ADPGK: variants seen among roughly 807,000 people sequenced by gnomAD.
ADPGK encodes ADP dependent glucokinase.
A neutral mutation model predicts 42.4 loss-of-function variants in ADPGK; 26 were observed. The ratio of observed to expected loss-of-function variants is 0.61; its 90% confidence interval spans 0.45 to 0.85. ADPGK has a LOEUF of 0.85. ADPGK is among the 40% of genes least tolerant of loss of function. The pLI, the probability that ADPGK is intolerant of heterozygous loss-of-function variation, is 0.00. For synonymous variants in ADPGK, 267 were observed against 252.6 expected (o/e 1.06, Z -0.54); for missense variants, 571 against 627.0 (o/e 0.91, Z 0.95).
intron 1 of ADPGK, among the ~76,000 whole-genome samples, chr15:72,782,527 C>CAAATAAA (rs2066473381): frequency 1.6e-5 from 1 of 61,276 alleles, no homozygotes; most frequent in African/African-American, 6.9e-5. Context: ...ACCCTGTGTC[C>CAAATAAA]AAAAAAAAAA....
In ADPGK at chr15:72,752,228, G is replaced by T. The variant is rs2066053892; in HGVS notation, c.*113C>A. ...GTTGCCAACAGGCTGGAATGTACCT[G>T]ATACAGTTTAATCTGCTTTTATTTC... is the stretch of plus-strand genomic sequence containing the variant. On this transcript the variant is annotated 3_prime_UTR_variant, in exon 7 of 7. Coordinates refer to ENST00000456471, the MANE Select transcript of ADPGK (RefSeq NM_001365225.1). The T allele has an allele frequency of 3.8e-6, 4 of 1,066,454 alleles. No homozygotes were observed. The highest frequency in any genetic ancestry group is 5.3e-6 in the Non-Finnish European group (4 of 757,786). 66.1% of individuals were successfully genotyped at this position (1,066,454 alleles called of 1,614,324 possible).
intron 3 of ADPGK, among the ~76,000 whole-genome samples, chr15:72,764,653 G>T (rs2066235961): frequency 6.6e-6 from 1 of 152,214 alleles, no homozygotes; most frequent in South Asian, 2.1e-4. Context: ...TAAACAACAG[G>T]TTCGATGTAT....
chr15:72,766,380 T>C (rs1336586807), intron 3 of ADPGK, among the ~76,000 whole-genome samples: 1 of 152,100 alleles, frequency 6.6e-6, no homozygotes, highest in African/African-American at 2.4e-5. Flanking sequence ...TGTGGCAAAC[T>C]TCATTGTTGT....
chr15:72,757,951 G>A lies in ADPGK; in HGVS notation c.644-1504C>T, dbSNP rs139573540. 1.8e-3 allele frequency: 1,634 copies of A among 910,714 alleles called. 20 individuals carry two copies. In the African/African-American group the frequency reaches 0.024, roughly 14 times the overall value. 56.4% of individuals were successfully genotyped at this position (910,714 alleles called of 1,614,324 possible). A position where few individuals can be genotyped will look rare whatever the true frequency, so the allele number is the denominator to read the frequency against. On this transcript the variant is annotated intron_variant, in intron 4 of 6. Transcript: ENST00000456471. ...CTGCAAGGCAAGGATGAGAAGAACC[G>A]TGCAGAGCTGCTTGCTGTTTCCACA...
At chr15:72,776,302 A>G (rs957958109) in intron 1 of ADPGK, among the ~76,000 whole-genome samples, 2 of 152,154 alleles carry the variant, frequency 1.3e-5, no homozygotes, top group African/African-American at 4.8e-5. Context: ...TACCCCTATC[A>G]TGGTCATCTT....
chr15:72,777,028 G>A (rs1429457350), intron 1 of ADPGK, among the ~76,000 whole-genome samples: 1 of 152,136 alleles, frequency 6.6e-6, no homozygotes, highest in Non-Finnish European at 1.5e-5. Context: ...CACACAGAAG[G>A]GGCCATTCTG....
intron 3 of ADPGK, among the ~76,000 whole-genome samples, chr15:72,763,101 T>C (rs1023298612): frequency 1.2e-4 from 18 of 152,200 alleles, no homozygotes; most frequent in African/African-American, 3.9e-4. Flanking sequence ...CCACAAGCAA[T>C]GTTAAAAGAA....
chr15:72,760,645 A>G lies in ADPGK; in HGVS notation c.523-118T>C, dbSNP rs769422986. 1.5e-3 allele frequency: 2,035 copies of G among 1,315,130 alleles called. 3 individuals are homozygous for G. The highest frequency in any genetic ancestry group is 1.9e-3 in the Non-Finnish European group (1,880 of 1,000,576). 81.5% of individuals were successfully genotyped at this position (1,315,130 alleles called of 1,614,324 possible). A position where few individuals can be genotyped will look rare whatever the true frequency, so the allele number is the denominator to read the frequency against. On this transcript the variant is annotated intron_variant, in intron 3 of 6. Transcript: ENST00000456471. The stretch of plus-strand genomic sequence containing the variant: ...CTAATCATTTCAACAAAATATTGGA[A>G]TCCAAATCTAATTTTGAAAGCTGTT...
At chr15:72,773,423 AT>A (rs1430082541) in intron 2 of ADPGK, among the ~76,000 whole-genome samples, 4 of 152,236 alleles carry the variant, frequency 2.6e-5, no homozygotes, top group African/African-American at 9.6e-5. Flanking sequence ...ACTAAAAAAA[AT>A]CTTGGGAAAA....
chr15:72,782,337 G>A (rs1180777334), intron 1 of ADPGK, among the ~76,000 whole-genome samples: 2 of 151,918 alleles, frequency 1.3e-5, no homozygotes, highest in African/African-American at 4.8e-5. Flanking sequence ...AATATAGCAA[G>A]ACCTCGACTC....
At chr15:72,754,780 A>G (rs559174253) in intron 6 of ADPGK, among the ~76,000 whole-genome samples, 2 of 152,354 alleles carry the variant, frequency 1.3e-5, no homozygotes, top group South Asian at 4.1e-4. Context: ...TTAGTGAAAA[A>G]AAGAGCAAAG....
At chr15:72,775,866 T>A (rs1185527822) in intron 1 of ADPGK, among the ~76,000 whole-genome samples, 3 of 122,980 alleles carry the variant, frequency 2.4e-5, no homozygotes, top group African/African-American at 9.0e-5. Flanking sequence ...GAATCCCTTA[T>A]CTGAAGTGCT....
chr15:72,763,318 ATTTTTTT>A lies in ADPGK; in HGVS notation c.523-2798_523-2792del, dbSNP rs34099103. Reference sequence around the variant, plus strand: ...GGACACACACCACCACACTCGGCTAATTTTTTTTTTTTTTTTTTTTTGTATTTTTAGT... The same window carrying A: ...GGACACACACCACCACACTCGGCTAATTTTTTTTTTTTTTGTATTTTTAGT... On this transcript the variant is annotated intron_variant, in intron 3 of 6. Coordinates refer to ENST00000456471, the MANE Select transcript of ADPGK (RefSeq NM_001365225.1). 3.2e-4 allele frequency among the ~76,000 whole-genome samples: 39 copies of A among 123,666 alleles called. No homozygotes were observed. In the South Asian group the frequency reaches 3.7e-3, roughly 12 times the overall value. The allele number at this position is 123,666 out of a possible 152,430, so 81.1% of individuals were successfully genotyped here.
intron 1 of ADPGK, among the ~76,000 whole-genome samples, chr15:72,782,503 C>A (rs2066472400): frequency 2.6e-5 from 3 of 114,998 alleles, no homozygotes; most frequent in East Asian, 2.7e-4. Flanking sequence ...CCAGCCTAGG[C>A]GACAGAGAGA....
intron 2 of ADPGK, among the ~76,000 whole-genome samples, chr15:72,772,889 A>T (rs2066345867): frequency 6.6e-6 from 1 of 152,128 alleles, no homozygotes; most frequent in African/African-American, 2.4e-5. Flanking sequence ...ATGCCTTGGA[A>T]ATCTGACACA....
intron 6 of ADPGK, among the ~76,000 whole-genome samples, chr15:72,754,861 A>G (rs535230478): frequency 4.6e-5 from 7 of 152,212 alleles, no homozygotes; most frequent in Non-Finnish European, 1.0e-4. Context: ...AAATCAGGAT[A>G]TATTTCTGTA....
At position 72,752,734 on chromosome 15, in the gene ADPGK, C is replaced by A; in HGVS notation, c.1101G>T (p.Gly367=). The A allele has an allele frequency of 6.2e-7, 1 of 1,614,198 alleles. No individual in the cohort carries two copies. Among genetic ancestry groups the A allele is most frequent in the South Asian group, 1.1e-5 (1 of 91,088 alleles). ...GATCCGAGGCTCTGCTTTTACTCCT[C>A]CCATGTTCTTTCAAGATCCAGAAGA... is the stretch of plus-strand genomic sequence containing the variant. ...DILFWILKEH[G]RSKSRASDLT... is the part of the protein sequence containing the mutation. The change falls in exon 7 of 7, where the codon GGG becomes GGT. Residue 367 remains glycine (G), a synonymous_variant. Transcript: ENST00000456471.
At chr15:72,777,955 TA>T in intron 1 of ADPGK, among the ~76,000 whole-genome samples, 1 of 151,660 alleles carries the variant, frequency 6.6e-6, no homozygotes, top group Non-Finnish European at 1.5e-5. Context: ...TTTTTATAAT[TA>T]AAAAAAACCA....
Position 72,751,852 on chromosome 15 carries a change from G to A in ADPGK, c.*489C>T, listed in dbSNP as rs886162002. 3 of 157,922 alleles carry A rather than the reference G, an allele frequency of 1.9e-5. No individual in the cohort carries two copies. The highest frequency in any genetic ancestry group is 2.4e-5 in the African/African-American group (1 of 41,476). 9.8% of individuals were successfully genotyped at this position (157,922 alleles called of 1,614,324 possible). On this transcript the variant is annotated 3_prime_UTR_variant, in exon 7 of 7. Coordinates refer to ENST00000456471, the MANE Select transcript of ADPGK (RefSeq NM_001365225.1). Reference sequence around the variant, plus strand: ...GGCTCTGTCCTAAATTTGAGAGCAGGAGACTGAGAAGGTTATGCTCATTAA... The same window carrying A: ...GGCTCTGTCCTAAATTTGAGAGCAGAAGACTGAGAAGGTTATGCTCATTAA...
Sources: gnomAD v4.1 joint callset for allele counts (sites outside exome capture counted in the v4.1 genomes callset) on GRCh38, gnomAD v4.1.1 for gene constraint, MANE v1.5 for transcripts, NCBI Gene and HGNC (gene_info 2026-07-23, HGNC 2026-07-21) for gene names.